The following UGGT2 variants were observed in gnomAD, a reference collection of about 807,000 sequenced individuals.
UGGT2 encodes the protein UDP-glucose glycoprotein glucosyltransferase 2.
In UGGT2, 180 loss-of-function variants were observed where a neutral mutation model predicts 192.1. The observed-to-expected ratio is 0.94, with a 90% CI of 0.83 to 1.06. The LOEUF is 1.06. Among genes scored for constraint, UGGT2 ranks in the 50% least tolerant of loss-of-function variants. The pLI is 0.00. For missense variants in UGGT2, 1,849 were observed against 1,795.7 expected, an observed-to-expected ratio of 1.03 and a Z score of -0.54; for synonymous variants, 580 against 591.0, an observed-to-expected ratio of 0.98 and a Z score of 0.27.
chr13:95,968,728 CT>C (rs556858668), intron 12 of UGGT2, among the ~76,000 whole-genome samples: 2 of 151,970 alleles, frequency 1.3e-5, no homozygotes, highest in African/African-American at 4.8e-5. Context: ...AAGTAAACTT[CT>C]TTTTTTTATG....
intron 5 of UGGT2, among the ~76,000 whole-genome samples, chr13:96,012,733 T>C (rs1233412412): frequency 5.9e-5 from 6 of 101,618 alleles, no homozygotes; most frequent in Non-Finnish European, 1.0e-4. Flanking sequence ...GGCCATTATA[T>C]TCATACGCAT....
At chr13:95,904,011 G>C (rs57754676) in intron 20 of UGGT2, among the ~76,000 whole-genome samples, 2,532 of 152,170 alleles carry the variant, frequency 0.017, 72 homozygotes, top group African/African-American at 0.058. Context: ...TGACTTGCCT[G>C]TTCAATCTGC....
intron 29 of UGGT2, among the ~76,000 whole-genome samples, chr13:95,871,576 G>A (rs1891225218): frequency 1.3e-5 from 2 of 152,206 alleles, no homozygotes. Context: ...TGTACATGGA[G>A]CAGGATTGGG....
At chr13:95,965,191 C>T (rs1245918892) in intron 12 of UGGT2, among the ~76,000 whole-genome samples, 6 of 151,232 alleles carry the variant, frequency 4.0e-5, no homozygotes, top group Non-Finnish European at 8.8e-5. Flanking sequence ...GACGATTCCT[C>T]AGGGATCTAG....
intron 38 of UGGT2, among the ~76,000 whole-genome samples, chr13:95,817,721 A>T (rs1361416956): frequency 6.6e-6 from 1 of 152,196 alleles, no homozygotes; most frequent in South Asian, 2.1e-4. Context: ...CTAAAAGCAA[A>T]TTCTAAAAAA....
At chr13:96,037,246 T>A (rs533397102) in intron 1 of UGGT2, among the ~76,000 whole-genome samples, 23 of 152,228 alleles carry the variant, frequency 1.5e-4, no homozygotes, top group Non-Finnish European at 2.6e-4. Context: ...TCGCCCAGGC[T>A]GGAGTGCAGT....
intron 2 of UGGT2, among the ~76,000 whole-genome samples, chr13:96,027,587 A>G (rs2052707489): frequency 6.6e-6 from 1 of 152,212 alleles, no homozygotes; most frequent in Non-Finnish European, 1.5e-5. Flanking sequence ...GCCTCCACAG[A>G]CAGCTACTGA....
intron 15 of UGGT2, among the ~76,000 whole-genome samples, chr13:95,940,610 C>T (rs146474328): frequency 5.9e-4 from 89 of 151,838 alleles, no homozygotes; most frequent in Admixed American, 1.4e-3. Context: ...TGCCACCACA[C>T]CTGGCTAGAT....
At chr13:95,864,556 A>C (rs542694952) in intron 30 of UGGT2, among the ~76,000 whole-genome samples, 1 of 152,292 alleles carries the variant, frequency 6.6e-6, no homozygotes, top group Admixed American at 6.5e-5. Context: ...CTCCTTTCTT[A>C]CATTCCACCA....
At chr13:95,945,919 G>A (rs888263698) in intron 15 of UGGT2, among the ~76,000 whole-genome samples, 2 of 152,040 alleles carry the variant, frequency 1.3e-5, no homozygotes, top group Middle Eastern at 3.2e-3. Context: ...AAGTAGGGTA[G>A]GAAATTTGCA....
Position 95,927,001 on chromosome 13 carries a change from T to A in UGGT2, c.2200+27A>T, listed in dbSNP as rs779353556. On this transcript the variant is annotated intron_variant, in intron 19 of 38. Coordinates refer to ENST00000376747, the MANE Select transcript of UGGT2 (RefSeq NM_020121.4). ...TTACAAGTTTCTATCACTTTAAGAA[T>A]TCAGGTAAATAAAATATGCTTATTA... 18 of 1,558,400 alleles carry A rather than the reference T, an allele frequency of 1.2e-5. No individual in the cohort carries two copies. The South Asian group carries it at 1.8e-4, about 16-fold the overall frequency.
chr13:95,812,552 T>C (rs1317752835), intron 38 of UGGT2, among the ~76,000 whole-genome samples: 7 of 152,106 alleles, frequency 4.6e-5, no homozygotes, highest in African/African-American at 1.2e-4. Flanking sequence ...GAATGAGAGA[T>C]TACAGGCTAA....
chr13:96,044,320 GT>G (rs2053246100), intron 1 of UGGT2, among the ~76,000 whole-genome samples: 1 of 152,130 alleles, frequency 6.6e-6, no homozygotes, highest in Non-Finnish European at 1.5e-5. Flanking sequence ...AACAACAACA[GT>G]GACACAACCT....
At chr13:95,855,354 AT>A (rs1164996959) in intron 34 of UGGT2, among the ~76,000 whole-genome samples, 1 of 151,892 alleles carries the variant, frequency 6.6e-6, no homozygotes, top group Non-Finnish European at 1.5e-5. Context: ...TTATATTTTC[AT>A]TTACATATTA....
intron 20 of UGGT2, among the ~76,000 whole-genome samples, chr13:95,909,814 A>C (rs1315747410): frequency 6.7e-6 from 1 of 148,244 alleles, no homozygotes; most frequent in Admixed American, 6.7e-5. Flanking sequence ...AAAAAAAAAA[A>C]AAAAAACTGT....
chr13:95,874,204 C>T (rs1166105205), intron 29 of UGGT2, among the ~76,000 whole-genome samples: 1 of 152,122 alleles, frequency 6.6e-6, no homozygotes. Context: ...AGGAGACATG[C>T]AGTAGTACAG....
Position 95,806,814 on chromosome 13 carries a change from G to A in UGGT2, c.4529-5002C>T, listed in dbSNP as rs145781860. On this transcript the variant is annotated intron_variant, in intron 38 of 38. Transcript: ENST00000376747. ...GACAGTCTCTCTAACAAATTGTTCT[G>A]GGACAACTAGATAGCCATATGCCAA... is the stretch of plus-strand genomic sequence containing the variant. Among the ~76,000 whole-genome samples, 26 of 152,046 alleles carry A rather than the reference G, an allele frequency of 1.7e-4. 1 individual carries two copies. Among genetic ancestry groups the A allele is most frequent in the African/African-American group, 5.5e-4 (23 of 41,444 alleles).
At chr13:95,961,884 A>T (rs1388113459) in intron 12 of UGGT2, among the ~76,000 whole-genome samples, 1 of 152,222 alleles carries the variant, frequency 6.6e-6, no homozygotes, top group African/African-American at 2.4e-5. Context: ...AATCATATCA[A>T]GTATTTTCTC....
intron 1 of UGGT2, among the ~76,000 whole-genome samples, chr13:96,045,269 T>G (rs1030479320): frequency 2.0e-5 from 3 of 152,076 alleles, no homozygotes; most frequent in African/African-American, 7.2e-5. Context: ...GAAAAAGCAT[T>G]TGACAAAATC....
Sources: gnomAD v4.1 joint callset for allele counts (sites outside exome capture counted in the v4.1 genomes callset) on GRCh38, gnomAD v4.1.1 for gene constraint, MANE v1.5 for transcripts, NCBI Gene and HGNC (gene_info 2026-07-23, HGNC 2026-07-21) for gene names.